ZDBF2: variants seen among roughly 807,000 people sequenced by gnomAD.
ZDBF2 encodes the protein zinc finger DBF-type containing 2, also known as DBF4-type zinc finger-containing protein 2.
Under a neutral mutation model 9.4 loss-of-function variants are expected in ZDBF2, and 6 were observed. The observed-to-expected ratio is 0.64, with a 90% CI of 0.35 to 1.27. The LOEUF is 1.27. Among genes scored for constraint, ZDBF2 ranks in the 50% most tolerant of loss-of-function variants. The pLI, the probability that ZDBF2 is intolerant of heterozygous loss-of-function variation, is 0.03. For missense variants in ZDBF2, 2,697 were observed against 2,766.8 expected, an observed-to-expected ratio of 0.97 and a Z score of 0.57; for synonymous variants, 905 against 946.3, an observed-to-expected ratio of 0.96 and a Z score of 0.80.
At chr2:206,284,890 G>A (rs1291819739) in intron 3 of ZDBF2, among the ~76,000 whole-genome samples, 1 of 152,090 alleles carries the variant, frequency 6.6e-6, no homozygotes, top group East Asian at 1.9e-4. Flanking sequence ...CAACACACCT[G>A]GCTGATTTTT....
In ZDBF2 at chr2:206,281,864, A is replaced by G; in HGVS notation, c.15A>G (p.Gln5=). The G allele has an allele frequency of 6.2e-7, 1 of 1,613,424 alleles. No homozygotes were observed. The highest frequency in any genetic ancestry group is 8.5e-7 in the Non-Finnish European group (1 of 1,179,624). MQKR[Q]GYCSYCRVQY... ...ATTTATTCAAGATGCAGAAAAGACA[A>G]GGATATTGCAGTTATTGCCGTGTGC... Residue 5 remains glutamine, a synonymous_variant, in exon 3 of 5, where the codon CAA becomes CAG. Transcript: ENST00000374423.
At chr2:206,291,073 G>A (rs1356827611) in intron 3 of ZDBF2, among the ~76,000 whole-genome samples, 1 of 151,908 alleles carries the variant, frequency 6.6e-6, no homozygotes, top group Non-Finnish European at 1.5e-5. Context: ...TTTTCCTTTA[G>A]TCTATTAATG....
At position 206,304,974 on chromosome 2, in the gene ZDBF2, T is replaced by A. The variant is rs765735601; in HGVS notation, c.446T>A (p.Leu149Ter). Residue 149 changes from leucine to a stop codon, truncating the protein, a stop_gained, in exon 5 of 5, where the codon TTG becomes TAG. Transcript: ENST00000374423. LOFTEE classifies it low-confidence loss of function (END_TRUNC). The stretch of plus-strand genomic sequence containing the variant: ...CTGGAGAAGGGACAGCAGCAGCCCT[T>A]GGAGTTTGTTCATAAAATTGGGGCC... ...QKLEKGQQQP[L>*]EFVHKIGASV... 6.2e-7 allele frequency: 1 copy of A among 1,613,516 alleles called. No homozygotes were observed. Among genetic ancestry groups the A allele is most frequent in the Non-Finnish European group, 8.5e-7 (1 of 1,179,754 alleles).
At position 206,307,372 on chromosome 2, in the gene ZDBF2, A is replaced by C. The variant is rs1490733448; in HGVS notation, c.2844A>C (p.Leu948Phe). The C allele has an allele frequency of 3.1e-6, 5 of 1,613,284 alleles. No individual in the cohort carries two copies. Among genetic ancestry groups the C allele is most frequent in the Non-Finnish European group, 4.2e-6 (5 of 1,179,704 alleles). ...ISLHTKEHMY[L>F]ENKSVFETSL... ...TTCACACAAAAGAGCACATGTACTT[A>C]GAAAATAAGAGTGTTTTTGAAACAA... is the stretch of plus-strand genomic sequence containing the variant. Residue 948 changes from leucine to phenylalanine, a missense_variant, in exon 5 of 5, where the codon TTA becomes TTC. By Grantham distance (22) the Leu-to-Phe change is conservative. This residue lies in a region of ZDBF2 where 1,783 missense variants were observed against 1,776.5 expected (regional missense o/e 1.00). Coordinates refer to ENST00000374423, the MANE Select transcript of ZDBF2 (RefSeq NM_020923.3).
rs1692815562 is a variant in ZDBF2 at position 206,306,616 on chromosome 2, T to G, written c.2088T>G (p.Asn696Lys). The G allele has an allele frequency of 1.2e-6, 2 of 1,613,780 alleles. No individual in the cohort carries two copies. The highest frequency in any genetic ancestry group is 1.3e-5 in the African/African-American group (1 of 75,060). Reference protein sequence around the residue: ...ERQKVDVDLENKSVQSSRSSL... With the variant: ...ERQKVDVDLEKKSVQSSRSSL... ...AGAAAGTGGATGTTGACCTTGAGAA[T>G]AAGAGTGTTCAGTCTAGCCGTTCTT... Residue 696 changes from asparagine to lysine, a missense_variant, in exon 5 of 5, where the codon AAT (asparagine) becomes AAG (lysine). Asn to Lys is a moderately conservative substitution (Grantham distance 94). Coordinates refer to ENST00000374423, the MANE Select transcript of ZDBF2 (RefSeq NM_020923.3).
chr2:206,306,855 T>C lies in ZDBF2; in HGVS notation c.2327T>C (p.Ile776Thr), dbSNP rs758437247. ...HLDAEGKERH[I>T]DLEDESCESD... ...GATGCTGAAGGAAAAGAACGGCACA[T>C]TGACCTGGAAGATGAGAGCTGTGAG... Residue 776 changes from isoleucine (I) to threonine (T), a missense_variant, in exon 5 of 5, where the codon ATT (isoleucine) becomes ACT (threonine). Around this residue, in one of 3 missense-constraint regions of ZDBF2, gnomAD observed 910 missense variants for 973.6 expected, o/e 0.93. Coordinates refer to ENST00000374423, the MANE Select transcript of ZDBF2 (RefSeq NM_020923.3). 8 of 1,613,740 alleles carry C rather than the reference T, an allele frequency of 5.0e-6. No homozygotes were observed. In the African/African-American group the frequency reaches 1.1e-4, roughly 22 times the overall value.
chr2:206,304,919 G>A lies in ZDBF2; in HGVS notation c.391G>A (p.Val131Ile). ...PHKSQEGTQE[V>I]SVRPSVIQKL... The stretch of plus-strand genomic sequence containing the variant: ...TAAATCTCAGGAAGGCACGCAGGAG[G>A]TTTCAGTTCGACCATCAGTTATTCA... The change falls in exon 5 of 5, where the codon GTT becomes ATT. Residue 131 changes from valine (V) to isoleucine (I), a missense_variant. By Grantham distance (29) the Val-to-Ile change is conservative (BLOSUM62 3). Coordinates refer to ENST00000374423, the MANE Select transcript of ZDBF2 (RefSeq NM_020923.3). The A allele has an allele frequency of 5.0e-6, 8 of 1,613,670 alleles. No individual in the cohort carries two copies. The highest frequency in any genetic ancestry group is 1.1e-5 in the South Asian group (1 of 91,062).
At chr2:206,275,021 G>T (rs1574366492) in intron 1 of ZDBF2, 75 bp downstream of exon 1, 1 of 150,628 alleles carries the variant, frequency 6.6e-6, no homozygotes, top group African/African-American at 2.4e-5. Flanking sequence ...GGCGCCCGGG[G>T]CGCCTTCTTC....
Position 206,308,079 on chromosome 2 carries a change from A to G in ZDBF2, c.3551A>G (p.His1184Arg). Residue 1184 changes from histidine (H) to arginine (R), a missense_variant, in exon 5 of 5, where the codon CAC becomes CGC. Around this residue, in one of 3 missense-constraint regions of ZDBF2, gnomAD observed 1,783 missense variants for 1,776.5 expected, o/e 1.00. Transcript: ENST00000374423. ...RPQITILEQE[H>R]IELEGKHNQC... is the part of the protein sequence containing the mutation. The stretch of plus-strand genomic sequence containing the variant: ...CAAATAACTATTTTGGAGCAGGAGC[A>G]CATTGAACTAGAAGGTAAGCACAAT... 1 of 1,613,984 alleles carries G rather than the reference A, an allele frequency of 6.2e-7. No individual in the cohort carries two copies. The highest frequency in any genetic ancestry group is 8.5e-7 in the Non-Finnish European group (1 of 1,179,866).
In ZDBF2 at chr2:206,305,486, G is replaced by C. The variant is rs778203151; in HGVS notation, c.958G>C (p.Gly320Arg). 1 of 1,612,712 alleles carries C rather than the reference G, an allele frequency of 6.2e-7. No individual in the cohort carries two copies. The highest frequency in any genetic ancestry group is 8.5e-7 in the Non-Finnish European group (1 of 1,179,580). ...TAAAACTGACATGCCTTCTAATAAA[G>C]GAATCTTTGAAGATACTATTGCAAA... ...PNKTDMPSNKGIFEDTIAKNH... is the reference protein window; with the variant it reads ...PNKTDMPSNKRIFEDTIAKNH... The change falls in exon 5 of 5, where the codon GGA becomes CGA. Residue 320 changes from glycine to arginine, a missense_variant. Gly to Arg is a moderately radical substitution (Grantham distance 125). Transcript: ENST00000374423.
intron 4 of ZDBF2, among the ~76,000 whole-genome samples, chr2:206,304,488 T>C (rs538478255): frequency 6.6e-6 from 1 of 152,306 alleles, no homozygotes. Context: ...TAGTTTTTCA[T>C]GTTTAGGGGC....
At chr2:206,276,224 G>A (rs981154379) in intron 1 of ZDBF2, among the ~76,000 whole-genome samples, 6 of 152,026 alleles carry the variant, frequency 3.9e-5, no homozygotes, top group Admixed American at 3.9e-4. Flanking sequence ...AAATTTAGTG[G>A]GTCGTGACTA....
intron 3 of ZDBF2, 86 bp downstream of exon 3, chr2:206,281,995 C>A: frequency 8.3e-7 from 1 of 1,199,086 alleles, no homozygotes. Flanking sequence ...TTTATTTATT[C>A]ATTGAACAGA....
intron 3 of ZDBF2, among the ~76,000 whole-genome samples, chr2:206,293,578 A>G (rs978905654): frequency 6.6e-6 from 1 of 152,216 alleles, no homozygotes; most frequent in Non-Finnish European, 1.5e-5. Flanking sequence ...CTACAAGTCC[A>G]TAAGGAAGAG....
Position 206,304,802 on chromosome 2 carries a change from G to C in ZDBF2, c.274G>C (p.Glu92Gln). The change falls in exon 5 of 5, where the codon GAG becomes CAG. Residue 92 changes from glutamate (E) to glutamine (Q), a missense_variant. This residue lies in a region of ZDBF2 where 910 missense variants were observed against 973.6 expected (regional missense o/e 0.93). Coordinates refer to ENST00000374423, the MANE Select transcript of ZDBF2 (RefSeq NM_020923.3). ...LDDAFSEEEE[E>Q]DEDKVEDEDA... is the part of the protein sequence containing the mutation. ...TGATGCTTTTTCTGAAGAAGAGGAA[G>C]AGGATGAGGATAAGGTTGAGGATGA... The C allele has an allele frequency of 6.2e-7, 1 of 1,613,734 alleles. No homozygotes were observed. Among genetic ancestry groups the C allele is most frequent in the South Asian group, 1.1e-5 (1 of 91,058 alleles).
In ZDBF2 at chr2:206,313,931, T is replaced by G. The variant is rs1485712758; in HGVS notation, c.*2338T>G. The G allele has an allele frequency of 1.3e-5, 2 of 152,174 alleles. No homozygotes were observed. Among genetic ancestry groups the G allele is most frequent in the Non-Finnish European group, 2.9e-5 (2 of 68,006 alleles). 9.4% of individuals were successfully genotyped at this position (152,174 alleles called of 1,614,324 possible). ...GACAAGCTTGAAAACTTGAAATTGT[T>G]GAAACTTATAATTTAAATTAAATTG... On this transcript the variant is annotated 3_prime_UTR_variant, in exon 5 of 5. Coordinates refer to ENST00000374423, the MANE Select transcript of ZDBF2 (RefSeq NM_020923.3).
chr2:206,291,800 C>A (rs1052073828), intron 3 of ZDBF2, among the ~76,000 whole-genome samples: 2 of 152,082 alleles, frequency 1.3e-5, no homozygotes. Context: ...ACAATGTTTG[C>A]AGCCTTGTAT....
In ZDBF2 at chr2:206,311,720, T is replaced by C. The variant is rs531910749; in HGVS notation, c.*127T>C. On this transcript the variant is annotated 3_prime_UTR_variant, in exon 5 of 5. Coordinates refer to ENST00000374423, the MANE Select transcript of ZDBF2 (RefSeq NM_020923.3). Reference sequence around the variant, plus strand: ...ATCTTGAACTATTTTGCTATAAATATTATTTTTCAGAATTTTTATATTCAT... The same window carrying C: ...ATCTTGAACTATTTTGCTATAAATACTATTTTTCAGAATTTTTATATTCAT... 5.9e-6 allele frequency: 6 copies of C among 1,025,056 alleles called. No homozygotes were observed. Among genetic ancestry groups the C allele is most frequent in the South Asian group, 4.9e-5 (1 of 20,538 alleles). The allele number at this position is 1,025,056 out of a possible 1,614,324, so 63.5% of individuals were successfully genotyped here.
At chr2:206,297,112 A>C (rs1692216149) in intron 3 of ZDBF2, 134 bp from the exon 4 acceptor site, 1 of 487,254 alleles carries the variant, frequency 2.1e-6, no homozygotes, top group Admixed American at 3.9e-5. Context: ...TTTAGATGCA[A>C]ATTTCAGAAT....
Sources: gnomAD v4.1 joint callset for allele counts (sites outside exome capture counted in the v4.1 genomes callset) on GRCh38, gnomAD v4.1.1 for gene constraint, gnomAD v4.1.1 regional missense constraint, MANE v1.5 for transcripts, NCBI Gene and HGNC (gene_info 2026-07-23, HGNC 2026-07-21) for gene names.